Variants in MYO15A observed in about 807,000 individuals in gnomAD.
MYO15A encodes unconventional myosin-XV.
Under a neutral mutation model 394.6 loss-of-function variants are expected in MYO15A, and 308 were observed. That is an observed-to-expected ratio of 0.78 (90% CI 0.71 to 0.86). MYO15A has a LOEUF of 0.86. Among genes scored for constraint, MYO15A ranks in the 40% least tolerant of loss-of-function variants. The pLI, the probability that MYO15A is intolerant of heterozygous loss-of-function variation, is 0.00. For missense variants in MYO15A, 4,606 were observed against 4,799.1 expected (o/e 0.96, Z 1.19); for synonymous variants, 1,957 against 2,003.8 (o/e 0.98, Z 0.62).
intron 59 of MYO15A, 139 bp downstream of exon 59, chr17:18,163,460 C>T (rs1489698719): frequency 3.1e-6 from 3 of 982,822 alleles, no homozygotes; most frequent in Non-Finnish European, 3.1e-6. Flanking sequence ...CAAGGCAGGA[C>T]TTATTTCTCA....
At chr17:18,149,001 A>T (rs538648864) in intron 33 of MYO15A, 49 bp downstream of exon 33, 1 of 1,547,252 alleles carries the variant, frequency 6.5e-7, no homozygotes, top group East Asian at 2.4e-5. Flanking sequence ...CCCAGGCAGA[A>T]GGCCGGCCAC....
chr17:18,157,203 G>A lies in MYO15A; in HGVS notation c.8761G>A (p.Glu2921Lys), dbSNP rs768075723. The change falls in exon 50 of 66, where the codon GAG (glutamate) becomes AAG (lysine). Residue 2921 changes from glutamate (E) to lysine (K), a missense_variant. Glu to Lys is a moderately conservative substitution (Grantham distance 56, BLOSUM62 1). Around this residue, in one of 2 missense-constraint regions of MYO15A, gnomAD observed 2,776 missense variants for 3,109.3 expected, o/e 0.89. Transcript: ENST00000647165. ...VVRRKVVYLEELRRRGPDFGW... is the reference protein window; with the variant it reads ...VVRRKVVYLEKLRRRGPDFGW... ...TCGCAGGAAGGTGGTGTACCTGGAG[G>A]AGCTGCGACGTAGAGGCCCCGACTT... is the stretch of plus-strand genomic sequence containing the variant. 1 of 1,609,690 alleles carries A rather than the reference G, an allele frequency of 6.2e-7. No individual in the cohort carries two copies. The highest frequency in any genetic ancestry group is 2.2e-5 in the East Asian group (1 of 44,622).
At position 18,163,314 on chromosome 17, in the gene MYO15A, C is replaced by A. The variant is rs868120978; in HGVS notation, c.9683C>A (p.Thr3228Lys). The change falls in exon 59 of 66, where the codon ACA becomes AAA. Residue 3228 changes from threonine (T) to lysine (K), a missense_variant. Physicochemically the swap from Thr to Lys is moderately conservative, Grantham distance 78. Transcript: ENST00000647165. The part of the protein sequence containing the change: ...GGLERHLKIK[T>K]CTVALDVVEE... ...CTTGAACGCCATCTCAAAATCAAAA[C>A]ATGCACTGTAAGTGAAGAAATGTCT... 1.2e-6 allele frequency: 2 copies of A among 1,613,986 alleles called. No individual in the cohort carries two copies. Among genetic ancestry groups the A allele is most frequent in the African/African-American group, 1.3e-5 (1 of 74,920 alleles).
At chr17:18,161,217 T>C in intron 56 of MYO15A, 100 bp from the exon 57 acceptor site, 1 of 1,475,864 alleles carries the variant, frequency 6.8e-7, no homozygotes. Flanking sequence ...GGACAGGAGC[T>C]GCCTGAGAGT....
intron 1 of MYO15A, chr17:18,110,428 C>T (rs564777086): frequency 1.3e-5 from 2 of 152,394 alleles, no homozygotes; most frequent in African/African-American, 2.4e-5. Flanking sequence ...CTGTGTCACT[C>T]ACATAACCTC....
chr17:18,175,614 C>G (rs144549912), intron 65 of MYO15A, among the ~76,000 whole-genome samples: 3 of 152,042 alleles, frequency 2.0e-5, no homozygotes, highest in African/African-American at 7.2e-5. Flanking sequence ...AATCTCTAAA[C>G]GTTGCTGAGT....
chr17:18,145,358 A>G (rs1327581951), intron 29 of MYO15A, among the ~76,000 whole-genome samples: 1 of 152,172 alleles, frequency 6.6e-6, no homozygotes, highest in African/African-American at 2.4e-5. Flanking sequence ...AAGATGACAC[A>G]TACTTTGGAT....
rs777887720 is a variant in MYO15A, at chr17:18,159,292, C to T, written c.9174C>T (p.Ser3058=). Residue 3058 remains serine (S), a synonymous_variant, in exon 54 of 66, where the codon TCC becomes TCT. Coordinates refer to ENST00000647165, the MANE Select transcript of MYO15A (RefSeq NM_016239.4). The part of the protein sequence containing the change: ...LCFTKTPLQE[S]LIELSDSSLS... ...CCCCACAGACTCCCCTCCAGGAATC[C>T]CTCATCGAACTCAGCGACAGCAGCC... 1.9e-6 allele frequency: 3 copies of T among 1,614,194 alleles called. No homozygotes were observed. The highest frequency in any genetic ancestry group is 2.2e-5 in the South Asian group (2 of 91,080).
chr17:18,157,393 C>A, intron 50 of MYO15A, 163 bp downstream of exon 50: 1 of 1,065,546 alleles, frequency 9.4e-7, no homozygotes, highest in Non-Finnish European at 1.4e-6. Context: ...GGTGGCCAGA[C>A]AGCCCAGCCC....
At position 18,173,801 on chromosome 17, in the gene MYO15A, C is replaced by G. The variant is rs1567667829; in HGVS notation, c.10371C>G (p.Pro3457=). Residue 3457 remains proline, a synonymous_variant, in exon 65 of 66, where the codon CCC becomes CCG. Coordinates refer to ENST00000647165, the MANE Select transcript of MYO15A (RefSeq NM_016239.4). ...TETHELMVKF[P]LKEIQSTRTQ... Reference sequence around the variant, plus strand: ...CCCAGGAATTGATGGTGAAGTTCCCCCTGAAGGAGATCCAGTCGACGCGGA... The same window carrying G: ...CCCAGGAATTGATGGTGAAGTTCCCGCTGAAGGAGATCCAGTCGACGCGGA... 1 of 1,614,002 alleles carries G rather than the reference C, an allele frequency of 6.2e-7. No homozygotes were observed. Among genetic ancestry groups the G allele is most frequent in the Admixed American group, 1.7e-5 (1 of 60,032 alleles).
At position 18,136,649 on chromosome 17, in the gene MYO15A, C is replaced by T; in HGVS notation, c.4742C>T (p.Thr1581Ile). The T allele has an allele frequency of 6.2e-7, 1 of 1,612,660 alleles. No individual in the cohort carries two copies. The highest frequency in any genetic ancestry group is 8.5e-7 in the Non-Finnish European group (1 of 1,179,778). The change falls in exon 15 of 66, where the codon ACA (threonine) becomes ATA (isoleucine). Residue 1581 changes from threonine (T) to isoleucine (I), a missense_variant. By Grantham distance (89) the Thr-to-Ile change is moderately conservative. Coordinates refer to ENST00000647165, the MANE Select transcript of MYO15A (RefSeq NM_016239.4). Reference protein sequence around the residue: ...VNALVSPRQDTLSIAILDIYG... With the variant: ...VNALVSPRQDILSIAILDIYG... Reference sequence around the variant, plus strand: ...GCGCTGGTGTCCCCAAGGCAGGACACACTGTCCATCGCCATCCTGGACATC... The same window carrying T: ...GCGCTGGTGTCCCCAAGGCAGGACATACTGTCCATCGCCATCCTGGACATC...
At position 18,121,987 on chromosome 17, in the gene MYO15A, T is replaced by C; in HGVS notation, c.3187T>C (p.Tyr1063His). 6.2e-7 allele frequency: 1 copy of C among 1,613,290 alleles called. No homozygotes were observed. The highest frequency in any genetic ancestry group is 8.5e-7 in the Non-Finnish European group (1 of 1,179,976). The change falls in exon 2 of 66, where the codon TAC becomes CAC. Residue 1063 changes from tyrosine to histidine, a missense_variant. Physicochemically the swap from Tyr to His is moderately conservative, Grantham distance 83. This residue lies in a region of MYO15A where 1,830 missense variants were observed against 1,689.7 expected (regional missense o/e 1.08). Coordinates refer to ENST00000647165, the MANE Select transcript of MYO15A (RefSeq NM_016239.4). The surrounding 1 kb of genome is among the most constrained non-coding windows in gnomAD (Gnocchi z 5.3). Reference sequence around the variant, plus strand: ...AAAGACATTAAGGCCCAGCCTCTCATACCCACTGGCTGCGTGTGACCAGAC... The same window carrying C: ...AAAGACATTAAGGCCCAGCCTCTCACACCCACTGGCTGCGTGTGACCAGAC... ...EQKTLRPSLS[Y>H]PLAACDQTRA...
chr17:18,175,290 A>ACCTTTTTTTTTTTT (rs1567668678), intron 65 of MYO15A, among the ~76,000 whole-genome samples: 1 of 56,134 alleles, frequency 1.8e-5, no homozygotes, highest in East Asian at 2.3e-4. Context: ...CCTCTAGACT[A>ACCTTTTTTTTTTTT]TCTTTTTTTT....
At chr17:18,133,545 T>C (rs2046208390) in intron 12 of MYO15A, among the ~76,000 whole-genome samples, 159 bp downstream of exon 12, 1 of 152,250 alleles carries the variant, frequency 6.6e-6, no homozygotes. Flanking sequence ...TTTTCCTCCT[T>C]ATATATATTA....
chr17:18,121,179 G>GC lies in MYO15A; in HGVS notation c.2384dup (p.Ser796ValfsTer184), dbSNP rs1567624190. The GC allele has an allele frequency of 1.6e-5, 24 of 1,512,304 alleles. No homozygotes were observed. The highest frequency in any genetic ancestry group is 1.9e-5 in the Non-Finnish European group (22 of 1,137,436). 93.7% of individuals were successfully genotyped at this position (1,512,304 alleles called of 1,614,324 possible). On this transcript the variant is annotated frameshift_variant, in exon 2 of 66. Transcript: ENST00000647165. LOFTEE classifies it high-confidence loss of function. This position sits in a 1 kb window ranked among gnomAD's most constrained non-coding sequence, Gnocchi z 5.3. ...GCCTCGGCTACTGCTCACCCTTGGC[G>GC]CCCCCGTCGCCTCAGCTGTCCTTGC...
At chr17:18,166,592 C>T (rs1409590369) in intron 61 of MYO15A, 71 bp downstream of exon 61, 5 of 1,581,298 alleles carry the variant, frequency 3.2e-6, no homozygotes, top group African/African-American at 2.7e-5. Flanking sequence ...TCAGACTCCA[C>T]AGCCTTGGTG....
chr17:18,112,795 G>T, intron 1 of MYO15A, among the ~76,000 whole-genome samples: 1 of 151,956 alleles, frequency 6.6e-6, no homozygotes, highest in East Asian at 1.9e-4. Context: ...AATATAGAAA[G>T]ATTTACAGTG....
chr17:18,134,540 T>C (rs2046229268), intron 12 of MYO15A, among the ~76,000 whole-genome samples: 1 of 152,210 alleles, frequency 6.6e-6, no homozygotes, highest in Non-Finnish European at 1.5e-5. Context: ...GGAATCCAAC[T>C]TTTTTCCCAG....
rs2046160279 is a variant in MYO15A, at chr17:18,131,352, G to A, written c.4142+10G>A. 6.2e-7 allele frequency: 1 copy of A among 1,613,962 alleles called. No individual in the cohort carries two copies. The highest frequency in any genetic ancestry group is 1.6e-4 in the Middle Eastern group (1 of 6,062). ...AAATCTTTCTGGAAGGGTGAGTTGG[G>A]ACAGTGGAGGGCCTCCCAAAAGCCT... On this transcript the variant is annotated intron_variant, in intron 9 of 65. Coordinates refer to ENST00000647165, the MANE Select transcript of MYO15A (RefSeq NM_016239.4).
Sources: allele counts gnomAD v4.1 joint callset (sites outside exome capture counted in the v4.1 genomes callset), GRCh38; gene constraint gnomAD v4.1.1; regional missense constraint gnomAD v4.1.1; non-coding constraint Gnocchi (gnomAD v3.1); transcripts MANE v1.5; gene names NCBI Gene and HGNC (gene_info 2026-07-23, HGNC 2026-07-21).